Variants in PGLYRP4 observed in about 807,000 individuals in gnomAD.
PGLYRP4 encodes the protein peptidoglycan recognition protein 4.
PGLYRP4 carries 39 observed loss-of-function variants against 41.2 expected under a neutral mutation model. The observed-to-expected ratio is 0.95, with a 90% CI of 0.73 to 1.24. The LOEUF (loss-of-function observed/expected upper bound fraction) is 1.24, where lower values mean the gene tolerates loss of function less well. Ranked by LOEUF, PGLYRP4 falls within the 50% of genes most tolerant of loss-of-function variation. The pLI is 0.00. For missense variants in PGLYRP4, 467 were observed against 460.7 expected, an observed-to-expected ratio of 1.01 and a Z score of -0.13; for synonymous variants, 202 against 186.8, an observed-to-expected ratio of 1.08 and a Z score of -0.66.
At chr1:153,346,595 A>G (rs1479064954) in intron 2 of PGLYRP4, among the ~76,000 whole-genome samples, 1 of 152,190 alleles carries the variant, frequency 6.6e-6, no homozygotes, top group East Asian at 1.9e-4. Flanking sequence ...AATTACCTGC[A>G]CGGCTCAGAC....
chr1:153,340,756 G>T (rs746365361), intron 6 of PGLYRP4, among the ~76,000 whole-genome samples, 177 bp from the exon 7 acceptor site: 2 of 145,442 alleles, frequency 1.4e-5, no homozygotes, highest in Admixed American at 6.8e-5. Flanking sequence ...ACAGTGTCCC[G>T]CAGTGGGACA....
chr1:153,341,004 C>A (rs763170489), intron 6 of PGLYRP4, among the ~76,000 whole-genome samples: 1 of 152,086 alleles, frequency 6.6e-6, no homozygotes. Flanking sequence ...TGGTATCCAC[C>A]TTTTATTATC....
At chr1:153,340,201 C>T (rs1038475717) in intron 7 of PGLYRP4, among the ~76,000 whole-genome samples, 180 bp downstream of exon 7, 1 of 152,160 alleles carries the variant, frequency 6.6e-6, no homozygotes, top group Non-Finnish European at 1.5e-5. Flanking sequence ...ATGACTACCC[C>T]CTTGGCTATC....
At chr1:153,346,300 C>A in intron 2 of PGLYRP4, 109 bp from the exon 3 acceptor site, 1 of 813,784 alleles carries the variant, frequency 1.2e-6, no homozygotes, top group Non-Finnish European at 2.1e-6. Context: ...CCTCTGCCTC[C>A]TCAAATCCCA....
At chr1:153,348,026 G>C in intron 1 of PGLYRP4, 48 bp from the exon 2 acceptor site, 1 of 1,066,272 alleles carries the variant, frequency 9.4e-7, no homozygotes. Context: ...TCAATCTGCA[G>C]AGCATCCCAA....
At chr1:153,335,783 C>T (rs1031243356) in intron 8 of PGLYRP4, among the ~76,000 whole-genome samples, 4 of 151,614 alleles carry the variant, frequency 2.6e-5, no homozygotes, top group Non-Finnish European at 5.9e-5. Flanking sequence ...GCTGAGGATG[C>T]AGAGAAAAGG....
intron 6 of PGLYRP4, 104 bp from the exon 7 acceptor site, chr1:153,340,683 C>T: frequency 8.6e-7 from 1 of 1,164,136 alleles, no homozygotes; most frequent in Non-Finnish European, 1.2e-6. Flanking sequence ...ACTTCCCAAA[C>T]CCCTCTGGGT....
intron 4 of PGLYRP4, among the ~76,000 whole-genome samples, chr1:153,343,615 C>G (rs1314890071): frequency 6.6e-6 from 1 of 152,180 alleles, no homozygotes; most frequent in African/African-American, 2.4e-5. Flanking sequence ...TTTGATTTCT[C>G]CCTGTCACGT....
intron 7 of PGLYRP4, among the ~76,000 whole-genome samples, chr1:153,339,824 T>C (rs955230902): frequency 1.3e-5 from 2 of 152,228 alleles, no homozygotes; most frequent in Non-Finnish European, 1.5e-5. Flanking sequence ...GTCTTCCTTA[T>C]TAAAGAATCA....
At chr1:153,345,108 G>T in intron 4 of PGLYRP4, 61 bp downstream of exon 4, 1 of 1,279,878 alleles carries the variant, frequency 7.8e-7, no homozygotes, top group Non-Finnish European at 1.1e-6. Flanking sequence ...GAAGGGACAG[G>T]AGAAGCATCC....
intron 2 of PGLYRP4, among the ~76,000 whole-genome samples, chr1:153,347,553 T>C (rs1661069111): frequency 6.6e-6 from 1 of 150,492 alleles, no homozygotes; most frequent in Non-Finnish European, 1.5e-5. Context: ...TTTGTATTTT[T>C]AGTAGAGACG....
chr1:153,346,637 T>G (rs1302195969), intron 2 of PGLYRP4, among the ~76,000 whole-genome samples: 1 of 152,150 alleles, frequency 6.6e-6, no homozygotes, highest in Non-Finnish European at 1.5e-5. Flanking sequence ...TAGGGACGTG[T>G]GCTATGCCCA....
intron 5 of PGLYRP4, among the ~76,000 whole-genome samples, chr1:153,342,285 A>C (rs1660833284): frequency 6.6e-6 from 1 of 152,210 alleles, no homozygotes. Flanking sequence ...CAAAAACAAG[A>C]TAAACACAGA....
chr1:153,336,047 TGTG>T (rs1660546055), intron 8 of PGLYRP4, among the ~76,000 whole-genome samples: 2 of 1,488 alleles, frequency 1.3e-3, no homozygotes, highest in Admixed American at 5.0e-3. Flanking sequence ...GGTGCGTGCG[TGTG>T]TGTGTGTGTG....
At position 153,346,086 on chromosome 1, in the gene PGLYRP4, T is replaced by C. The variant is rs766506072; in HGVS notation, c.139+16A>G. ...AGCTCGTCCCAAAACCCCCTTACTATCCAGATCCAGTTTACCTTTTTCAGT... is the reference window on the plus strand; with the variant it reads ...AGCTCGTCCCAAAACCCCCTTACTACCCAGATCCAGTTTACCTTTTTCAGT... On this transcript the variant is annotated intron_variant, in intron 3 of 8. Coordinates refer to ENST00000359650, the MANE Select transcript of PGLYRP4 (RefSeq NM_020393.4). 8.3e-5 allele frequency: 132 copies of C among 1,588,474 alleles called. No homozygotes were observed. The highest frequency in any genetic ancestry group is 1.1e-4 in the Non-Finnish European group (128 of 1,156,806).
At chr1:153,333,776 A>C (rs986791158) in intron 8 of PGLYRP4, among the ~76,000 whole-genome samples, 1 of 152,216 alleles carries the variant, frequency 6.6e-6, no homozygotes, top group Non-Finnish European at 1.5e-5. Context: ...CAAATAAATA[A>C]ATGTGATTCA....
At chr1:153,336,397 GAAAGA>G (rs1352032682) in intron 8 of PGLYRP4, among the ~76,000 whole-genome samples, 1 of 111,482 alleles carries the variant, frequency 9.0e-6, no homozygotes. Context: ...AAAAAACAAA[GAAAGA>G]AAAGAAAAGA....
At chr1:153,344,905 T>G in intron 4 of PGLYRP4, 1 of 431,544 alleles carries the variant, frequency 2.3e-6, no homozygotes, top group East Asian at 4.3e-5. Flanking sequence ...TGTAGTGTGC[T>G]GTGCAAGCCA....
intron 4 of PGLYRP4, among the ~76,000 whole-genome samples, chr1:153,344,124 C>T (rs1660908807): frequency 6.6e-6 from 1 of 152,238 alleles, no homozygotes; most frequent in Non-Finnish European, 1.5e-5. Context: ...AACTCTCCCA[C>T]CCTGAAACCT....
Sources: allele counts gnomAD v4.1 joint callset (sites outside exome capture counted in the v4.1 genomes callset), GRCh38; gene constraint gnomAD v4.1.1; transcripts MANE v1.5; gene names NCBI Gene and HGNC (gene_info 2026-07-23, HGNC 2026-07-21).